Variants in PPP2R5C observed in about 807,000 individuals in gnomAD.
PPP2R5C encodes protein phosphatase 2 regulatory subunit B'gamma.
A neutral mutation model predicts 68.9 loss-of-function variants in PPP2R5C; 7 were observed. That is an observed-to-expected ratio of 0.10 (90% CI 0.06 to 0.19). PPP2R5C has a LOEUF of 0.19. PPP2R5C is among the 10% of genes least tolerant of loss of function. PPP2R5C has a pLI of 1.00. For synonymous variants in PPP2R5C, 210 were observed against 222.2 expected (o/e 0.95, Z 0.49); for missense variants, 348 against 641.3 (o/e 0.54, Z 4.94).
chr14:101,922,234 AT>A (rs1207164068), intron 13 of PPP2R5C: 1 of 970,370 alleles, frequency 1.0e-6, no homozygotes, highest in East Asian at 1.1e-4. Context: ...GATGCCTGTA[AT>A]CCCAGCACTT....
Position 101,909,701 on chromosome 14 carries a change from C to A in PPP2R5C, c.1253+11C>A. ...AGCAGAGAAACTAAAGTGAGTTGTTCCTTTCACAAGTTACTGTTTCCAGGA... is the reference window on the plus strand; with the variant it reads ...AGCAGAGAAACTAAAGTGAGTTGTTACTTTCACAAGTTACTGTTTCCAGGA... On this transcript the variant is annotated intron_variant, in intron 11 of 13. Coordinates refer to ENST00000334743, the Ensembl canonical transcript of PPP2R5C. 1 of 1,553,356 alleles carries A rather than the reference C, an allele frequency of 6.4e-7. No homozygotes were observed. Among genetic ancestry groups the A allele is most frequent in the Non-Finnish European group, 8.9e-7 (1 of 1,128,394 alleles).
intron 1 of PPP2R5C, among the ~76,000 whole-genome samples, chr14:101,848,739 TGGGAGAA>T (rs2041983559): frequency 1.3e-5 from 2 of 152,124 alleles, no homozygotes; most frequent in African/African-American, 4.8e-5. Context: ...CAGCGGGAGT[TGGGAGAA>T]GAGAGGGAGG....
chr14:101,787,880 A>G (rs866018454), intron 3 of PPP2R5C, among the ~76,000 whole-genome samples: 1 of 151,234 alleles, frequency 6.6e-6, no homozygotes, highest in South Asian at 2.1e-4. Flanking sequence ...GTCATTTTTT[A>G]TTATTAGTCT....
At chr14:101,793,225 T>C (rs1045220543) in intron 3 of PPP2R5C, among the ~76,000 whole-genome samples, 1 of 152,198 alleles carries the variant, frequency 6.6e-6, no homozygotes, top group Non-Finnish European at 1.5e-5. Context: ...GTAGTAAATA[T>C]ATTAGCAACC....
chr14:101,777,777 C>G (rs1349000493), intron 2 of PPP2R5C, among the ~76,000 whole-genome samples: 1 of 152,034 alleles, frequency 6.6e-6, no homozygotes, highest in Non-Finnish European at 1.5e-5. Context: ...CCTTTATGAC[C>G]CTTGTTTTTT....
At chr14:101,794,667 CT>C (rs1422727747) in intron 3 of PPP2R5C, among the ~76,000 whole-genome samples, 1 of 152,218 alleles carries the variant, frequency 6.6e-6, no homozygotes, top group Non-Finnish European at 1.5e-5. Context: ...TCCTTTAAGG[CT>C]GTTTTTAAGT....
At chr14:101,900,722 C>A (rs2045635648) in intron 8 of PPP2R5C, among the ~76,000 whole-genome samples, 1 of 152,196 alleles carries the variant, frequency 6.6e-6, no homozygotes, top group Non-Finnish European at 1.5e-5. Context: ...AAAGGTTGCC[C>A]AGTGGAAATT....
At chr14:101,844,207 A>G (rs1181958683) in intron 1 of PPP2R5C, 1 of 148,362 alleles carries the variant, frequency 6.7e-6, no homozygotes, top group African/African-American at 2.5e-5. Context: ...GTAGGTTAAT[A>G]CCAATACCAG....
intron 3 of PPP2R5C, among the ~76,000 whole-genome samples, chr14:101,787,847 G>T (rs116513400): frequency 6.6e-6 from 1 of 150,926 alleles, no homozygotes; most frequent in Non-Finnish European, 1.5e-5. Context: ...GTTTACCTTT[G>T]TGGTAGATAA....
At chr14:101,804,523 G>GTAC (rs1291099202) in intron 3 of PPP2R5C, among the ~76,000 whole-genome samples, 1 of 152,030 alleles carries the variant, frequency 6.6e-6, no homozygotes, top group Non-Finnish European at 1.5e-5. Context: ...ACACAATAGA[G>GTAC]TACTATTCAG....
intron 7 of PPP2R5C, among the ~76,000 whole-genome samples, chr14:101,894,000 C>G (rs1279570966): frequency 1.3e-5 from 2 of 152,248 alleles, no homozygotes; most frequent in African/African-American, 4.8e-5. Flanking sequence ...CCAGGCCCCA[C>G]TTTCAGAGCT....
At chr14:101,801,838 C>CTGG (rs2038873835) in intron 3 of PPP2R5C, among the ~76,000 whole-genome samples, 1 of 152,206 alleles carries the variant, frequency 6.6e-6, no homozygotes, top group African/African-American at 2.4e-5. Flanking sequence ...AGAAAAGTTT[C>CTGG]ATCCTAAGAT....
chr14:101,897,142 T>C (rs1157143845), intron 8 of PPP2R5C, among the ~76,000 whole-genome samples: 2 of 152,108 alleles, frequency 1.3e-5, no homozygotes, highest in Non-Finnish European at 2.9e-5. Flanking sequence ...CCGCCTGAGA[T>C]TTTGGGGACC....
At chr14:101,786,394 T>G (rs1459101329) in intron 3 of PPP2R5C, among the ~76,000 whole-genome samples, 11 of 152,106 alleles carry the variant, frequency 7.2e-5, no homozygotes, top group Admixed American at 6.5e-4. Context: ...AAGATAAAAG[T>G]TTAACAACAC....
rs578026295 is a variant in PPP2R5C at position 101,901,677 on chromosome 14, C to A, written c.853-42C>A. ...ACTTCTTACCATGCAGGTGTTGGGG[C>A]CTCGTGGGCATCAGTCACTCCACGT... On this transcript the variant is annotated intron_variant, in intron 8 of 13. Coordinates refer to ENST00000334743, the Ensembl canonical transcript of PPP2R5C. 1.1e-5 allele frequency: 17 copies of A among 1,597,532 alleles called. No individual in the cohort carries two copies. In the South Asian group the frequency reaches 1.4e-4, roughly 13 times the overall value.
chr14:101,815,190 G>T (rs1022425027), intron 1 of PPP2R5C, among the ~76,000 whole-genome samples: 5 of 152,122 alleles, frequency 3.3e-5, no homozygotes, highest in African/African-American at 9.7e-5. Context: ...GGAGCCTCTT[G>T]CCCAGGGCCA....
chr14:101,831,587 C>T (rs2040743241), intron 1 of PPP2R5C: 4 of 535,778 alleles, frequency 7.5e-6, no homozygotes, highest in Admixed American at 2.8e-5. Flanking sequence ...GGACACAACT[C>T]CTTATCATAG....
At position 101,906,256 on chromosome 14, in the gene PPP2R5C, A is replaced by G. The variant is rs1361731974; in HGVS notation, c.1024-146A>G. On this transcript the variant is annotated intron_variant, in intron 9 of 13. Transcript: ENST00000334743. The surrounding 1 kb of genome is among the most constrained non-coding windows in gnomAD (Gnocchi z 4.0). ...AAGGCTCTTCAGGGTTACAGGTTACAGTCTAGAATATTTTGAATTTGTAGA... is the reference window on the plus strand; with the variant it reads ...AAGGCTCTTCAGGGTTACAGGTTACGGTCTAGAATATTTTGAATTTGTAGA... The G allele has an allele frequency of 4.7e-6, 4 of 856,634 alleles. No individual in the cohort carries two copies. Among genetic ancestry groups the G allele is most frequent in the Admixed American group, 2.8e-5 (1 of 36,236 alleles). 53.1% of individuals were successfully genotyped at this position (856,634 alleles called of 1,614,324 possible). A position where few individuals can be genotyped will look rare whatever the true frequency, so the allele number is the denominator to read the frequency against.
Position 101,888,435 on chromosome 14 carries a change from C to T in PPP2R5C, c.630-1802C>T, listed in dbSNP as rs1469352180. On this transcript the variant is annotated intron_variant, in intron 5 of 13. Transcript: ENST00000334743. This position sits in a 1 kb window ranked among gnomAD's most constrained non-coding sequence, Gnocchi z 5.6. The stretch of plus-strand genomic sequence containing the variant: ...GTCATGGCACCAGTGTCGTTCCTGT[C>T]ACCCACGGCACTGAGCTCTGCCCTG... 2.0e-5 allele frequency among the ~76,000 whole-genome samples: 3 copies of T among 152,088 alleles called. No homozygotes were observed. Among genetic ancestry groups the T allele is most frequent in the Non-Finnish European group, 2.9e-5 (2 of 68,022 alleles).
Sources: gnomAD v4.1 joint callset for allele counts (sites outside exome capture counted in the v4.1 genomes callset) on GRCh38, gnomAD v4.1.1 for gene constraint, Gnocchi (gnomAD v3.1) non-coding constraint, MANE v1.5 for transcripts, NCBI Gene and HGNC (gene_info 2026-07-23, HGNC 2026-07-21) for gene names.